Variants in EVI5 observed in about 807,000 individuals in gnomAD.
EVI5 encodes the protein ecotropic viral integration site 5, also known as ecotropic viral integration site 5 protein homolog.
In EVI5, 73 loss-of-function variants were observed where a neutral mutation model predicts 112.0. That is an observed-to-expected ratio of 0.65 (90% CI 0.54 to 0.79). The LOEUF (loss-of-function observed/expected upper bound fraction) is 0.79, where lower values mean the gene tolerates loss of function less well. EVI5 is among the 30% of genes least tolerant of loss of function. The pLI is 0.00. For missense variants in EVI5, 900 were observed against 968.8 expected (o/e 0.93, Z 0.94); for synonymous variants, 305 against 319.9 (o/e 0.95, Z 0.50).
At chr1:92,743,564 G>A (rs1019358484) in intron 1 of EVI5, among the ~76,000 whole-genome samples, 3 of 151,910 alleles carry the variant, frequency 2.0e-5, no homozygotes, top group Non-Finnish European at 4.4e-5. Context: ...GAGTTTCTTT[G>A]GAAAGATGAA....
At chr1:92,693,543 C>T (rs1428072514) in intron 9 of EVI5, among the ~76,000 whole-genome samples, 1 of 152,094 alleles carries the variant, frequency 6.6e-6, no homozygotes, top group African/African-American at 2.4e-5. Context: ...TTAAAAATAA[C>T]AGCATCCTCA....
intron 19 of EVI5, among the ~76,000 whole-genome samples, chr1:92,532,113 C>CAA (rs58704635): frequency 0.011 from 1,631 of 151,442 alleles, 25 homozygotes; most frequent in African/African-American, 0.035. Flanking sequence ...AAATGGAAAG[C>CAA]AAAAAAAAGC....
intron 10 of EVI5, among the ~76,000 whole-genome samples, chr1:92,671,123 T>C (rs761255791): frequency 3.3e-5 from 5 of 152,200 alleles, no homozygotes; most frequent in Non-Finnish European, 7.4e-5. Flanking sequence ...AGTAAATTCC[T>C]TGAAAAATAT....
intron 13 of EVI5, among the ~76,000 whole-genome samples, chr1:92,646,778 A>C (rs1166937419): frequency 6.6e-6 from 1 of 152,224 alleles, no homozygotes. Context: ...TGAGGAAAAC[A>C]TGAGATTATC....
chr1:92,614,842 A>T (rs1453421989), intron 16 of EVI5, among the ~76,000 whole-genome samples: 1 of 2,690 alleles, frequency 3.7e-4, no homozygotes, highest in Non-Finnish European at 6.2e-4. Context: ...GTTATATTTT[A>T]TATATATATA....
At chr1:92,736,982 T>C (rs1570678493) in intron 1 of EVI5, among the ~76,000 whole-genome samples, 1 of 152,324 alleles carries the variant, frequency 6.6e-6, no homozygotes, top group East Asian at 1.9e-4. Context: ...TATGTATGTA[T>C]ATGGGTGTAT....
chr1:92,554,741 G>A (rs1667435618), intron 19 of EVI5, among the ~76,000 whole-genome samples: 1 of 152,166 alleles, frequency 6.6e-6, no homozygotes, highest in Admixed American at 6.5e-5. Context: ...GGCCAAGACA[G>A]GGAGATCCCT....
At chr1:92,538,284 T>C (rs1664217940) in intron 19 of EVI5, among the ~76,000 whole-genome samples, 1 of 152,224 alleles carries the variant, frequency 6.6e-6, no homozygotes, top group Non-Finnish European at 1.5e-5. Flanking sequence ...TATGTAAATT[T>C]ATGACCAATT....
intron 2 of EVI5, among the ~76,000 whole-genome samples, chr1:92,730,339 C>A (rs538872087): frequency 6.6e-6 from 1 of 151,630 alleles, no homozygotes; most frequent in Admixed American, 6.6e-5. Context: ...GCCTAAGTGA[C>A]AGAGCAAGAC....
intron 18 of EVI5, among the ~76,000 whole-genome samples, chr1:92,564,459 C>A (rs74102905): frequency 0.013 from 1,932 of 151,946 alleles, 40 homozygotes; most frequent in African/African-American, 0.044. Context: ...AAAAGTTGTC[C>A]AAATCACTCT....
At chr1:92,731,676 T>C (rs1228204190) in intron 2 of EVI5, among the ~76,000 whole-genome samples, 1 of 152,166 alleles carries the variant, frequency 6.6e-6, no homozygotes, top group East Asian at 1.9e-4. Flanking sequence ...CAAGGCAGTA[T>C]AGTGCTAGTA....
At chr1:92,564,994 T>C (rs916196931) in intron 18 of EVI5, among the ~76,000 whole-genome samples, 32 of 152,292 alleles carry the variant, frequency 2.1e-4, no homozygotes, top group African/African-American at 7.7e-4. Context: ...AAAGAACTTA[T>C]TAAACAGTGA....
At chr1:92,682,127 A>G (rs963424730) in intron 9 of EVI5, among the ~76,000 whole-genome samples, 3 of 151,980 alleles carry the variant, frequency 2.0e-5, no homozygotes, top group African/African-American at 7.2e-5. Flanking sequence ...CTGGTTTTCT[A>G]TTCCTTGAAT....
chr1:92,583,573 G>T (rs1042599509), intron 18 of EVI5, among the ~76,000 whole-genome samples: 4 of 137,256 alleles, frequency 2.9e-5, no homozygotes, highest in African/African-American at 1.1e-4. Flanking sequence ...GTTACATAAA[G>T]AATACAAAGA....
chr1:92,681,194 T>C (rs930348619), intron 9 of EVI5, among the ~76,000 whole-genome samples: 11 of 152,194 alleles, frequency 7.2e-5, no homozygotes, highest in Admixed American at 5.2e-4. Context: ...CTTGTTTTGA[T>C]TAACTACTGG....
chr1:92,678,413 T>C (rs949700077), intron 9 of EVI5, among the ~76,000 whole-genome samples: 8 of 151,860 alleles, frequency 5.3e-5, no homozygotes, highest in African/African-American at 1.9e-4. Flanking sequence ...ATGCCTGTAG[T>C]TGCAGGTACT....
intron 13 of EVI5, among the ~76,000 whole-genome samples, chr1:92,642,308 C>T (rs972968349): frequency 3.9e-5 from 6 of 152,164 alleles, no homozygotes; most frequent in African/African-American, 1.4e-4. Context: ...AAAGTAACGC[C>T]TCATTTATTA....
chr1:92,714,521 C>T (rs1390546525), intron 2 of EVI5, among the ~76,000 whole-genome samples: 1 of 152,146 alleles, frequency 6.6e-6, no homozygotes, highest in East Asian at 1.9e-4. Context: ...CCCAGACTTA[C>T]TAGTTGGTGG....
intron 2 of EVI5, among the ~76,000 whole-genome samples, chr1:92,723,506 C>T (rs1189123184): frequency 6.6e-6 from 1 of 152,176 alleles, no homozygotes; most frequent in Non-Finnish European, 1.5e-5. Context: ...ATTTCATGGA[C>T]ATTTATCACT....
Sources: gnomAD v4.1 joint callset for allele counts (sites outside exome capture counted in the v4.1 genomes callset) on GRCh38, gnomAD v4.1.1 for gene constraint, MANE v1.5 for transcripts, NCBI Gene and HGNC (gene_info 2026-07-23, HGNC 2026-07-21) for gene names.